The following BTAF1 variants were observed in gnomAD, a reference collection of about 807,000 sequenced individuals.
BTAF1 encodes TATA-binding protein-associated factor 172.
In BTAF1, 38 loss-of-function variants were observed where a neutral mutation model predicts 227.1. The observed-to-expected ratio is 0.17, with a 90% CI of 0.13 to 0.22. The LOEUF (loss-of-function observed/expected upper bound fraction) is 0.22, where lower values mean the gene tolerates loss of function less well. Among genes scored for constraint, BTAF1 ranks in the 10% least tolerant of loss-of-function variants. The pLI is 1.00. For synonymous variants in BTAF1, 742 were observed against 751.9 expected, an observed-to-expected ratio of 0.99 and a Z score of 0.21; for missense variants, 1,598 against 2,204.0, an observed-to-expected ratio of 0.73 and a Z score of 5.51.
chr10:91,994,388 A>G (rs1479107969), intron 22 of BTAF1, 147 bp from the exon 23 acceptor site: 3 of 566,894 alleles, frequency 5.3e-6, no homozygotes, highest in Non-Finnish European at 6.3e-6. Flanking sequence ...GTACCCCAGC[A>G]CTTAAATTAA....
rs531171271 is a variant in BTAF1, at chr10:91,964,868, A to G, written c.1529+667A>G. On this transcript the variant is annotated intron_variant, in intron 13 of 37. Transcript: ENST00000265990. ...CTTAGAGATAGAGAATAGTGTCCTT[A>G]GAGACAGAGAAGAAAAAATTATTAT... Among the ~76,000 whole-genome samples, 41 of 152,144 alleles carry G rather than the reference A, an allele frequency of 2.7e-4. No individual in the cohort carries two copies. The South Asian group carries it at 7.0e-3, about 26-fold the overall frequency.
At chr10:91,940,932 A>T (rs1263964263) in intron 3 of BTAF1, among the ~76,000 whole-genome samples, 3 of 152,084 alleles carry the variant, frequency 2.0e-5, no homozygotes, top group Non-Finnish European at 4.4e-5. Context: ...GGCCTCAAGC[A>T]TGATTTAGCC....
intron 34 of BTAF1, among the ~76,000 whole-genome samples, chr10:92,024,125 A>G (rs1273386762): frequency 6.6e-6 from 1 of 152,260 alleles, no homozygotes; most frequent in Non-Finnish European, 1.5e-5. Flanking sequence ...AATGATCTAT[A>G]GCAAAATGTG....
chr10:91,932,338 A>G (rs960607002), intron 1 of BTAF1, among the ~76,000 whole-genome samples: 3 of 152,198 alleles, frequency 2.0e-5, no homozygotes, highest in African/African-American at 7.2e-5. Context: ...CTGAAACATT[A>G]CATTACCAAC....
rs1846382324 is a variant in BTAF1, at chr10:91,959,880, A to AG, written c.1086+1dup. The AG allele has an allele frequency of 6.2e-7, 1 of 1,605,412 alleles. No homozygotes were observed. Among genetic ancestry groups the AG allele is most frequent in the Admixed American group, 1.7e-5 (1 of 57,946 alleles). On this transcript the variant is annotated frameshift_variant and splice_region_variant. Transcript: ENST00000265990. LOFTEE classifies it high-confidence loss of function. The stretch of plus-strand genomic sequence containing the variant: ...GATTTGGAGACTTTGTTTCTGATGA[A>AG]GTAAGTATCATTTAAGGGAGGCTTT...
chr10:91,967,714 G>A (rs1007265603), intron 14 of BTAF1, among the ~76,000 whole-genome samples: 1 of 152,074 alleles, frequency 6.6e-6, no homozygotes, highest in Admixed American at 6.6e-5. Context: ...ATCAAGCATG[G>A]GCTGATATGA....
chr10:91,998,117 G>A (rs1296953785), intron 25 of BTAF1, among the ~76,000 whole-genome samples: 2 of 105,994 alleles, frequency 1.9e-5, no homozygotes, highest in African/African-American at 7.3e-5. Context: ...GCGACAGCGA[G>A]ACTCCATCTC....
At chr10:91,939,672 A>G (rs1478964906) in intron 2 of BTAF1, among the ~76,000 whole-genome samples, 1 of 152,178 alleles carries the variant, frequency 6.6e-6, no homozygotes, top group Non-Finnish European at 1.5e-5. Context: ...TCCTGACCTC[A>G]GGTGGTCTGC....
At chr10:91,959,712 A>T in intron 9 of BTAF1, 73 bp from the exon 10 acceptor site, 1 of 652,490 alleles carries the variant, frequency 1.5e-6, no homozygotes, top group Non-Finnish European at 2.1e-6. Context: ...AAATTATGTT[A>T]AAAAAATGTG....
At chr10:91,931,254 T>C (rs929788123) in intron 1 of BTAF1, among the ~76,000 whole-genome samples, 5 of 152,212 alleles carry the variant, frequency 3.3e-5, no homozygotes, top group African/African-American at 1.2e-4. Context: ...ATGAATCATA[T>C]CTTGTTTAGC....
intron 14 of BTAF1, among the ~76,000 whole-genome samples, chr10:91,969,956 GTC>G (rs1342748520): frequency 2.3e-4 from 31 of 134,810 alleles, no homozygotes; most frequent in Non-Finnish European, 4.1e-4. Context: ...GCAAGACCCT[GTC>G]TCAGAAAAAA....
At position 91,974,839 on chromosome 10, in the gene BTAF1, G is replaced by A. The variant is rs1847571519; in HGVS notation, c.1651-5615G>A. On this transcript the variant is annotated intron_variant, in intron 14 of 37. Transcript: ENST00000265990. ...ACTGCACTCCAGCCTAGGTGACAGA[G>A]TGAAACTCCGTCTCAAAAACAAAAA... 2.6e-5 allele frequency among the ~76,000 whole-genome samples: 4 copies of A among 152,164 alleles called. 1 individual carries two copies. In the South Asian group the frequency reaches 8.3e-4, roughly 32 times the overall value.
At chr10:92,014,179 A>G in intron 32 of BTAF1, 150 bp downstream of exon 32, 1 of 873,420 alleles carries the variant, frequency 1.1e-6, no homozygotes, top group South Asian at 1.9e-5. Flanking sequence ...GTTTGAGTGT[A>G]TGCATTTTGA....
At position 91,945,057 on chromosome 10, in the gene BTAF1, CTG is replaced by C. The variant is rs147500634; in HGVS notation, c.400+2492_400+2493del. On this transcript the variant is annotated intron_variant, in intron 4 of 37. Transcript: ENST00000265990. ...TATGATCTAGGTTTCTGTAAGCACACTGTGATGTTGACAACAACCACAAAATC... is the reference window on the plus strand; with the variant it reads ...TATGATCTAGGTTTCTGTAAGCACACTGATGTTGACAACAACCACAAAATC... 3.4e-4 allele frequency among the ~76,000 whole-genome samples: 52 copies of C among 152,218 alleles called. No homozygotes were observed. In the East Asian group the frequency reaches 9.1e-3, roughly 27 times the overall value.
chr10:92,021,988 T>C (rs1851169242), intron 34 of BTAF1, among the ~76,000 whole-genome samples: 1 of 152,202 alleles, frequency 6.6e-6, no homozygotes, highest in Non-Finnish European at 1.5e-5. Flanking sequence ...ATTGAAATGC[T>C]CTCTGGGGTG....
Position 91,996,545 on chromosome 10 carries a change from A to G in BTAF1, c.3486A>G (p.Gln1162=), listed in dbSNP as rs371789734. The G allele has an allele frequency of 2.5e-6, 4 of 1,614,092 alleles. No individual in the cohort carries two copies. The African/African-American group carries it at 5.3e-5, about 22-fold the overall frequency. The change falls in exon 24 of 38, where the codon CAA becomes CAG. Residue 1162 remains glutamine (Q), a synonymous_variant. Transcript: ENST00000265990. ...WLGAIDDSVK[Q]EGAIEALACV... is the part of the protein sequence containing the mutation. ...GAGCAATTGATGACAGTGTCAAACAAGAGGGTGCAATTGAAGCACTTGCCT... is the reference window on the plus strand; with the variant it reads ...GAGCAATTGATGACAGTGTCAAACAGGAGGGTGCAATTGAAGCACTTGCCT...
chr10:91,966,548 A>C, intron 13 of BTAF1, 89 bp from the exon 14 acceptor site: 1 of 1,376,970 alleles, frequency 7.3e-7, no homozygotes, highest in Non-Finnish European at 1.0e-6. Flanking sequence ...TGGTGTCAGC[A>C]TCACTAGATC....
At chr10:91,934,280 GC>G (rs1444230975) in intron 1 of BTAF1, among the ~76,000 whole-genome samples, 14 of 151,730 alleles carry the variant, frequency 9.2e-5, no homozygotes, top group Non-Finnish European at 1.5e-4. Flanking sequence ...TGTCACCCAA[GC>G]TGGAGTGCAG....
At chr10:91,996,072 T>A (rs1849127181) in intron 23 of BTAF1, among the ~76,000 whole-genome samples, 1 of 152,212 alleles carries the variant, frequency 6.6e-6, no homozygotes. Context: ...ACTTTTTGGT[T>A]TGTTTCCTGT....
Sources: allele counts gnomAD v4.1 joint callset (sites outside exome capture counted in the v4.1 genomes callset), GRCh38; gene constraint gnomAD v4.1.1; transcripts MANE v1.5; gene names NCBI Gene and HGNC (gene_info 2026-07-23, HGNC 2026-07-21).